Variants in ADCY2 observed in about 807,000 individuals in gnomAD.
The protein encoded by ADCY2 is adenylate cyclase type 2.
Under a neutral mutation model 125.2 loss-of-function variants are expected in ADCY2, and 31 were observed. The ratio of observed to expected loss-of-function variants is 0.25; its 90% confidence interval spans 0.19 to 0.33. The LOEUF is 0.33. Among genes scored for constraint, ADCY2 ranks in the 10% least tolerant of loss-of-function variants. The probability of loss-of-function intolerance (pLI) is 1.00; values close to 1 mark genes in which losing one functional copy is unlikely to be tolerated. For missense variants in ADCY2, 904 were observed against 1,418.2 expected, an observed-to-expected ratio of 0.64 and a Z score of 5.82; for synonymous variants, 512 against 548.4, an observed-to-expected ratio of 0.93 and a Z score of 0.93.
intron 7 of ADCY2, among the ~76,000 whole-genome samples, chr5:7,701,978 C>A (rs1355890517): frequency 6.6e-6 from 1 of 152,192 alleles, no homozygotes; most frequent in African/African-American, 2.4e-5. Flanking sequence ...GCTGATCCCT[C>A]AACTTAATCC....
At chr5:7,806,129 T>C (rs1221086585) in intron 22 of ADCY2, among the ~76,000 whole-genome samples, 2 of 152,100 alleles carry the variant, frequency 1.3e-5, no homozygotes, top group Admixed American at 6.5e-5. Flanking sequence ...TTCCAGAACA[T>C]TAAAGTGTTA....
intron 18 of ADCY2, 44 bp downstream of exon 18, chr5:7,773,145 G>A (rs779271657): frequency 6.3e-7 from 1 of 1,587,880 alleles, no homozygotes; most frequent in Admixed American, 1.7e-5. Flanking sequence ...TTCTTTCCCA[G>A]CCTGTGGATA....
At chr5:7,811,237 T>A (rs1260348125) in intron 22 of ADCY2, among the ~76,000 whole-genome samples, 1 of 152,168 alleles carries the variant, frequency 6.6e-6, no homozygotes, top group Non-Finnish European at 1.5e-5. Flanking sequence ...GCGCAGTGGC[T>A]CACGCCTGTA....
intron 2 of ADCY2, among the ~76,000 whole-genome samples, chr5:7,418,861 G>A (rs749329032): frequency 6.6e-6 from 1 of 151,850 alleles, no homozygotes; most frequent in Non-Finnish European, 1.5e-5. Flanking sequence ...CACCATATTG[G>A]TCAGGCTGGC....
chr5:7,401,880 G>A (rs989082119), intron 1 of ADCY2, among the ~76,000 whole-genome samples: 1 of 152,212 alleles, frequency 6.6e-6, no homozygotes, highest in African/African-American at 2.4e-5. Context: ...AGTCTGAGCT[G>A]GATGTTGGGC....
chr5:7,812,146 A>G (rs1744963812), intron 22 of ADCY2, among the ~76,000 whole-genome samples: 1 of 152,212 alleles, frequency 6.6e-6, no homozygotes, highest in African/African-American at 2.4e-5. Flanking sequence ...TAAGGGGTCC[A>G]TTAAAACTAA....
chr5:7,510,248 C>T (rs1220592787), intron 2 of ADCY2, among the ~76,000 whole-genome samples: 2 of 152,184 alleles, frequency 1.3e-5, no homozygotes, highest in African/African-American at 2.4e-5. Flanking sequence ...AATTATTCTT[C>T]CTAGTTCACT....
At chr5:7,713,743 A>G (rs931477945) in intron 11 of ADCY2, among the ~76,000 whole-genome samples, 2 of 152,092 alleles carry the variant, frequency 1.3e-5, no homozygotes, top group African/African-American at 4.8e-5. Context: ...TTGGTTTGGG[A>G]GTTAATCAAA....
At chr5:7,772,176 A>G (rs1743576334) in intron 17 of ADCY2, among the ~76,000 whole-genome samples, 1 of 152,194 alleles carries the variant, frequency 6.6e-6, no homozygotes, top group Non-Finnish European at 1.5e-5. Flanking sequence ...TAAGTGAGCT[A>G]ATGAGTTAGT....
chr5:7,781,588 A>C (rs1743923658), intron 18 of ADCY2, among the ~76,000 whole-genome samples: 1 of 152,302 alleles, frequency 6.6e-6, no homozygotes, highest in African/African-American at 2.4e-5. Flanking sequence ...GCATTCCCTA[A>C]TGGTTTCAGA....
chr5:7,481,183 G>C (rs1172365574), intron 2 of ADCY2, among the ~76,000 whole-genome samples: 5 of 152,028 alleles, frequency 3.3e-5, no homozygotes, highest in Non-Finnish European at 7.4e-5. Context: ...ATTTTAACTG[G>C]GGTGAGATGA....
At chr5:7,432,685 C>T (rs1188232904) in intron 2 of ADCY2, among the ~76,000 whole-genome samples, 2 of 152,188 alleles carry the variant, frequency 1.3e-5, no homozygotes, top group African/African-American at 2.4e-5. Flanking sequence ...TAGGCAAATG[C>T]AAATTCAGAG....
At chr5:7,656,200 A>C (rs929842915) in intron 4 of ADCY2, among the ~76,000 whole-genome samples, 1 of 152,010 alleles carries the variant, frequency 6.6e-6, no homozygotes, top group Non-Finnish European at 1.5e-5. Context: ...GATTACAGGC[A>C]TGTGCCACCA....
intron 2 of ADCY2, among the ~76,000 whole-genome samples, chr5:7,421,917 CAAAT>C (rs1740219896): frequency 6.6e-6 from 1 of 152,118 alleles, no homozygotes; most frequent in South Asian, 2.1e-4. Context: ...CATGTTGAAA[CAAAT>C]AAACACTCAT....
intron 3 of ADCY2, among the ~76,000 whole-genome samples, chr5:7,577,144 T>C (rs1328464517): frequency 6.6e-6 from 1 of 152,190 alleles, no homozygotes; most frequent in Non-Finnish European, 1.5e-5. Context: ...TTCGAAACAT[T>C]AGTCAGTCTC....
chr5:7,673,285 T>TATATATATATATATATATATATAC (rs1740004034), intron 4 of ADCY2, among the ~76,000 whole-genome samples: 1 of 78,830 alleles, frequency 1.3e-5, no homozygotes, highest in African/African-American at 5.3e-5. Flanking sequence ...TATATATATA[T>TATATATATATATATATATATATAC]AAAATTAGCC....
At chr5:7,787,470 G>T (rs942587755) in intron 19 of ADCY2, among the ~76,000 whole-genome samples, 1 of 152,178 alleles carries the variant, frequency 6.6e-6, no homozygotes, top group East Asian at 1.9e-4. Context: ...AATAACAAGG[G>T]TTAGGACTTG....
At chr5:7,579,206 G>A (rs1392037811) in intron 3 of ADCY2, among the ~76,000 whole-genome samples, 2 of 152,256 alleles carry the variant, frequency 1.3e-5, no homozygotes, top group East Asian at 1.9e-4. Flanking sequence ...AAGAAACAGA[G>A]CTACGTTGGA....
chr5:7,652,813 A>G (rs1302331868), intron 4 of ADCY2, among the ~76,000 whole-genome samples: 2 of 152,194 alleles, frequency 1.3e-5, no homozygotes, highest in African/African-American at 4.8e-5. Flanking sequence ...TGCCTTCTAC[A>G]AAGAGACCCT....
Sources: allele counts gnomAD v4.1 joint callset (sites outside exome capture counted in the v4.1 genomes callset), GRCh38; gene constraint gnomAD v4.1.1; transcripts MANE v1.5; gene names NCBI Gene and HGNC (gene_info 2026-07-23, HGNC 2026-07-21).